Variants in GRIK4 observed in about 807,000 individuals in gnomAD.
The protein encoded by GRIK4 is glutamate ionotropic receptor kainate type subunit 4, also known as glutamate receptor ionotropic, kainate 4.
In GRIK4, 40 loss-of-function variants were observed where a neutral mutation model predicts 104.9. The ratio of observed to expected loss-of-function variants is 0.38; its 90% CI spans 0.30 to 0.50. GRIK4 has a LOEUF of 0.50. Ranked by LOEUF, GRIK4 falls within the 20% of genes least tolerant of loss-of-function variation. The pLI is 0.93. For missense variants in GRIK4, 1,047 were observed against 1,308.1 expected (o/e 0.80, Z 3.08); for synonymous variants, 485 against 524.9 (o/e 0.92, Z 1.04).
intron 3 of GRIK4, among the ~76,000 whole-genome samples, chr11:120,700,264 CTTTT>C (rs34617192): frequency 7.7e-4 from 91 of 118,236 alleles, no homozygotes; most frequent in African/African-American, 2.1e-3. Context: ...TATATTACTA[CTTTT>C]TTTTTTTTTT....
At chr11:120,881,107 A>G (rs987577536) in intron 11 of GRIK4, among the ~76,000 whole-genome samples, 3 of 152,212 alleles carry the variant, frequency 2.0e-5, no homozygotes, top group Admixed American at 6.5e-5. Flanking sequence ...TAGGTTGTCT[A>G]TTAAAACACA....
intron 14 of GRIK4, among the ~76,000 whole-genome samples, chr11:120,951,577 C>T (rs1944001770): frequency 6.6e-6 from 1 of 152,216 alleles, no homozygotes; most frequent in Non-Finnish European, 1.5e-5. Context: ...GATTTTCAGT[C>T]CTATCCATGG....
intron 9 of GRIK4, among the ~76,000 whole-genome samples, chr11:120,864,202 T>C (rs1030868843): frequency 1.4e-5 from 2 of 140,554 alleles, no homozygotes; most frequent in Non-Finnish European, 3.0e-5. Flanking sequence ...CCAGTATTTT[T>C]ATTTTTATTT....
chr11:120,804,084 G>A (rs1158757750), intron 4 of GRIK4, among the ~76,000 whole-genome samples: 2 of 152,200 alleles, frequency 1.3e-5, no homozygotes, highest in African/African-American at 4.8e-5. Context: ...TAGTGGGCTG[G>A]TGACTTGTGG....
At chr11:120,973,383 C>G (rs537628243) in intron 19 of GRIK4, among the ~76,000 whole-genome samples, 12 of 152,174 alleles carry the variant, frequency 7.9e-5, no homozygotes, top group Non-Finnish European at 1.5e-4. Flanking sequence ...CCAAATGTTC[C>G]CTGGCATGAA....
intron 3 of GRIK4, among the ~76,000 whole-genome samples, chr11:120,737,790 T>C (rs912885657): frequency 6.6e-6 from 1 of 151,968 alleles, no homozygotes; most frequent in African/African-American, 2.4e-5. Flanking sequence ...GATGAGGACA[T>C]GGGGGGCTTT....
intron 1 of GRIK4, among the ~76,000 whole-genome samples, chr11:120,512,564 C>A (rs1319381224): frequency 2.0e-5 from 3 of 151,506 alleles, no homozygotes; most frequent in Non-Finnish European, 4.4e-5. Context: ...GGGGCTCCCA[C>A]CCATCCCACC....
intron 8 of GRIK4, among the ~76,000 whole-genome samples, chr11:120,842,813 A>C (rs1458838267): frequency 2.0e-5 from 3 of 152,258 alleles, no homozygotes; most frequent in African/African-American, 7.2e-5. Context: ...TGAATAAAAG[A>C]CATAAAGAAT....
rs116215252 is a variant in GRIK4 at position 120,784,800 on chromosome 11, C to T, written c.83-17893C>T. On this transcript the variant is annotated intron_variant, in intron 3 of 20. Transcript: ENST00000527524. Reference sequence around the variant, plus strand: ...TGTGATCTCTACCCTCCCTCCCCTGCCCCACCACCATCTCCCCAGTTCATC... The same window carrying T: ...TGTGATCTCTACCCTCCCTCCCCTGTCCCACCACCATCTCCCCAGTTCATC... Among the ~76,000 whole-genome samples the T allele has an allele frequency of 4.8e-3, 731 of 152,164 alleles. 8 individuals carry two copies. The highest frequency in any genetic ancestry group is 0.017 in the African/African-American group (698 of 41,500).
chr11:120,729,028 T>C (rs1039617554), intron 3 of GRIK4, among the ~76,000 whole-genome samples: 1 of 152,346 alleles, frequency 6.6e-6, no homozygotes, highest in East Asian at 1.9e-4. Flanking sequence ...TGTCTTTCTG[T>C]GCCTGGTTTA....
chr11:120,939,873 G>A lies in GRIK4; in HGVS notation c.1477-474G>A, dbSNP rs930384407. On this transcript the variant is annotated intron_variant, in intron 13 of 20. Coordinates refer to ENST00000527524, the MANE Select transcript of GRIK4 (RefSeq NM_014619.5). The surrounding 1 kb of genome is among the most constrained non-coding windows in gnomAD (Gnocchi z 5.6). The stretch of plus-strand genomic sequence containing the variant: ...CCCACGCCTGTAGTTCCAGCTACTC[G>A]GGAAGCTGAGGCAGGAGAATCGCTT... Among the ~76,000 whole-genome samples the A allele has an allele frequency of 1.3e-5, 2 of 152,106 alleles. No homozygotes were observed. The highest frequency in any genetic ancestry group is 2.9e-5 in the Non-Finnish European group (2 of 68,014).
At chr11:120,579,710 CAT>C (rs770538662) in intron 1 of GRIK4, among the ~76,000 whole-genome samples, 3 of 152,164 alleles carry the variant, frequency 2.0e-5, no homozygotes, top group Admixed American at 6.5e-5. Flanking sequence ...AGGCAACAGA[CAT>C]GTGTGGGCGG....
rs200547076 is a variant in GRIK4, at chr11:120,967,169, C to G, written c.2267-26C>G. ...CTAACAGGGCATTCACAACCTGTGT[C>G]CTGGGCTCTCCCGTAACCCCCGCAG... On this transcript the variant is annotated intron_variant, in intron 18 of 20. Coordinates refer to ENST00000527524, the MANE Select transcript of GRIK4 (RefSeq NM_014619.5). This position sits in a 1 kb window ranked among gnomAD's most constrained non-coding sequence, Gnocchi z 4.2. The G allele has an allele frequency of 6.3e-5, 101 of 1,603,674 alleles. 1 individual carries two copies. In the East Asian group the frequency reaches 2.2e-3, roughly 35 times the overall value.
At chr11:120,787,349 AAAACAT>A (rs1343792825) in intron 3 of GRIK4, among the ~76,000 whole-genome samples, 2 of 152,134 alleles carry the variant, frequency 1.3e-5, no homozygotes, top group African/African-American at 4.8e-5. Context: ...AAACAGAAAC[AAAACAT>A]AGTGTTTGTG....
chr11:120,713,513 A>G (rs983025403), intron 3 of GRIK4, among the ~76,000 whole-genome samples: 9 of 152,256 alleles, frequency 5.9e-5, no homozygotes, highest in African/African-American at 2.2e-4. Context: ...TGCAGAAAGC[A>G]CCAGCATGTT....
At chr11:120,749,545 G>A (rs1429181420) in intron 3 of GRIK4, among the ~76,000 whole-genome samples, 2 of 152,214 alleles carry the variant, frequency 1.3e-5, no homozygotes, top group South Asian at 2.1e-4. Context: ...AGGAAGAGAA[G>A]GTGCAAGACA....
intron 1 of GRIK4, among the ~76,000 whole-genome samples, chr11:120,567,191 C>G (rs1292265711): frequency 6.6e-6 from 1 of 151,758 alleles, no homozygotes. Flanking sequence ...CGATCTTGCT[C>G]TGTTGTTCCC....
At chr11:120,841,067 T>C (rs2135581478) in intron 8 of GRIK4, among the ~76,000 whole-genome samples, 1 of 152,322 alleles carries the variant, frequency 6.6e-6, no homozygotes, top group South Asian at 2.1e-4. Flanking sequence ...GTGTCAGAAA[T>C]TGCATTTCTT....
intron 1 of GRIK4, among the ~76,000 whole-genome samples, chr11:120,611,799 C>T (rs1949041896): frequency 6.6e-6 from 1 of 152,194 alleles, no homozygotes; most frequent in Non-Finnish European, 1.5e-5. Flanking sequence ...ATCAGTGTTC[C>T]TGAAATGTTC....
Sources: allele counts gnomAD v4.1 joint callset (sites outside exome capture counted in the v4.1 genomes callset), GRCh38; gene constraint gnomAD v4.1.1; non-coding constraint Gnocchi (gnomAD v3.1); transcripts MANE v1.5; gene names NCBI Gene and HGNC (gene_info 2026-07-23, HGNC 2026-07-21).